The following TMCO1 variants were observed in gnomAD, a reference collection of about 807,000 sequenced individuals.
TMCO1 encodes calcium load-activated calcium channel.
TMCO1 carries 29 observed loss-of-function variants against 29.3 expected under a neutral mutation model. The observed-to-expected ratio is 0.99, with a 90% CI of 0.74 to 1.35. TMCO1 has a LOEUF of 1.35. Ranked by LOEUF, TMCO1 falls within the 40% of genes most tolerant of loss-of-function variation. The pLI is 0.00. For synonymous variants in TMCO1, 80 were observed against 77.1 expected (o/e 1.04, Z -0.20); for missense variants, 173 against 225.5 (o/e 0.77, Z 1.49).
intron 5 of TMCO1, among the ~76,000 whole-genome samples, chr1:165,745,039 C>A (rs889487140): frequency 2.0e-5 from 3 of 151,840 alleles, no homozygotes; most frequent in Non-Finnish European, 4.4e-5. Flanking sequence ...TTGTTTGCTT[C>A]ACACAGGGTC....
rs146073758 is a variant in TMCO1, at chr1:165,754,812, A to G, written c.209-538T>C. ...AGTTCAAGACCATCCTGGGCAACATAGCAAGACCCTGTCTCTGCAAAAAAT... is the reference window on the plus strand; with the variant it reads ...AGTTCAAGACCATCCTGGGCAACATGGCAAGACCCTGTCTCTGCAAAAAAT... On this transcript the variant is annotated intron_variant, in intron 3 of 6. Coordinates refer to ENST00000367881, the MANE Select transcript of TMCO1 (RefSeq NM_019026.6). 6.5e-3 allele frequency: 1,011 copies of G among 154,732 alleles called. 15 individuals carry two copies. The highest frequency in any genetic ancestry group is 0.022 in the African/African-American group (912 of 41,516). 9.6% of individuals were successfully genotyped at this position (154,732 alleles called of 1,614,324 possible). A position where few individuals can be genotyped will look rare whatever the true frequency, so the allele number is the denominator to read the frequency against.
At chr1:165,734,793 G>A (rs1032028838) in intron 6 of TMCO1, among the ~76,000 whole-genome samples, 6 of 152,224 alleles carry the variant, frequency 3.9e-5, no homozygotes, top group Admixed American at 3.9e-4. Context: ...GTGAGCCACC[G>A]CGCTCGGCCC....
At chr1:165,737,576 A>G (rs1651438708) in intron 6 of TMCO1, among the ~76,000 whole-genome samples, 1 of 152,234 alleles carries the variant, frequency 6.6e-6, no homozygotes, top group African/African-American at 2.4e-5. Flanking sequence ...CTGAGAACCA[A>G]TCTCAAAGAG....
intron 6 of TMCO1, among the ~76,000 whole-genome samples, chr1:165,732,388 CAAA>C (rs34558487): frequency 0.025 from 2,277 of 89,698 alleles, 58 homozygotes; most frequent in African/African-American, 0.076. Context: ...CATAAAGAAG[CAAA>C]AAAAAAAAAA....
intron 4 of TMCO1, among the ~76,000 whole-genome samples, chr1:165,753,347 C>T (rs911782094): frequency 2.0e-5 from 3 of 151,854 alleles, no homozygotes; most frequent in African/African-American, 7.3e-5. Context: ...GTGGCACACG[C>T]CTGTAATCCC....
chr1:165,730,995 G>A (rs957942238), intron 6 of TMCO1, among the ~76,000 whole-genome samples: 4 of 151,964 alleles, frequency 2.6e-5, no homozygotes, highest in African/African-American at 9.7e-5. Flanking sequence ...CGCCTCCCAG[G>A]TTCAAGCGAT....
intron 6 of TMCO1, among the ~76,000 whole-genome samples, chr1:165,729,489 G>C (rs7525496): frequency 0.05 from 7,605 of 151,576 alleles, 626 homozygotes; most frequent in African/African-American, 0.17. Flanking sequence ...GCTAATTTTT[G>C]TATTTTTTTT....
intron 3 of TMCO1, among the ~76,000 whole-genome samples, chr1:165,758,577 A>G (rs1205993596): frequency 6.6e-6 from 1 of 151,672 alleles, no homozygotes; most frequent in African/African-American, 2.4e-5. Flanking sequence ...AAAAACAAAA[A>G]CAGAAAAAAA....
chr1:165,766,980 G>A (rs987813183), intron 2 of TMCO1, among the ~76,000 whole-genome samples: 1 of 152,124 alleles, frequency 6.6e-6, no homozygotes, highest in Non-Finnish European at 1.5e-5. Flanking sequence ...CAGATATGCT[G>A]AGGTACATAA....
intron 6 of TMCO1, among the ~76,000 whole-genome samples, chr1:165,735,116 C>T (rs1054344251): frequency 2.0e-5 from 3 of 152,106 alleles, no homozygotes; most frequent in Non-Finnish European, 2.9e-5. Context: ...TTTTCTGCTG[C>T]GGTCAGGAGA....
At chr1:165,754,757 G>T in intron 3 of TMCO1, 1 of 162,378 alleles carries the variant, frequency 6.2e-6, no homozygotes, top group Non-Finnish European at 1.3e-5. Flanking sequence ...TCTTTGGGAG[G>T]CTGAGGTGAG....
At chr1:165,768,559 G>A (rs1412323071) in intron 1 of TMCO1, 123 bp downstream of exon 1, 1 of 1,575,186 alleles carries the variant, frequency 6.3e-7, no homozygotes, top group Non-Finnish European at 8.6e-7. Flanking sequence ...GAGATTCCCT[G>A]AAGTGGAGTA....
chr1:165,727,789 C>A lies in TMCO1; in HGVS notation c.*234G>T. ...TTTGTTTTTCATTACATAAACATTA[C>A]CTGAACTTAACTAATCAATCCACTT... On this transcript the variant is annotated 3_prime_UTR_variant, in exon 7 of 7. Coordinates refer to ENST00000367881, the MANE Select transcript of TMCO1 (RefSeq NM_019026.6). 1 of 483,456 alleles carries A rather than the reference C, an allele frequency of 2.1e-6. No individual in the cohort carries two copies. The highest frequency in any genetic ancestry group is 4.1e-6 in the Non-Finnish European group (1 of 246,396). 29.9% of individuals were successfully genotyped at this position (483,456 alleles called of 1,614,324 possible).
chr1:165,726,688 A>G (rs376858867), downstream of TMCO1: 130 of 454,122 alleles, frequency 2.9e-4, no homozygotes, highest in African/African-American at 2.3e-3. Context: ...TCATCCATAT[A>G]TTTTATTTCT....
chr1:165,727,996 A>G lies in TMCO1; in HGVS notation c.*27T>C, dbSNP rs1450871075. The G allele has an allele frequency of 2.6e-6, 4 of 1,546,418 alleles. No homozygotes were observed. The African/African-American group carries it at 5.5e-5, about 21-fold the overall frequency. On this transcript the variant is annotated 3_prime_UTR_variant, in exon 7 of 7. Coordinates refer to ENST00000367881, the MANE Select transcript of TMCO1 (RefSeq NM_019026.6). ...TCTGATGTGTGTGTGTCTAGAAAGA[A>G]TGATAGAAAATAAAGAGTTCTTGAG...
intron 6 of TMCO1, among the ~76,000 whole-genome samples, chr1:165,737,287 T>C (rs1651425630): frequency 6.6e-6 from 1 of 151,940 alleles, no homozygotes; most frequent in African/African-American, 2.4e-5. Flanking sequence ...TAGAGGAGTC[T>C]GTGAACTTGA....
At chr1:165,732,505 C>CTATA (rs66588679) in intron 6 of TMCO1, among the ~76,000 whole-genome samples, 100 of 133,822 alleles carry the variant, frequency 7.5e-4, no homozygotes, top group East Asian at 5.7e-3. Context: ...CTCTCTCTCT[C>CTATA]TATATATATA....
intron 6 of TMCO1, among the ~76,000 whole-genome samples, chr1:165,733,581 G>A (rs1651252848): frequency 2.6e-5 from 4 of 151,594 alleles, no homozygotes. Context: ...GGGTGACAGA[G>A]CAAGACTCCA....
intron 6 of TMCO1, among the ~76,000 whole-genome samples, chr1:165,738,166 A>G (rs1651459113): frequency 6.6e-6 from 1 of 152,096 alleles, no homozygotes; most frequent in South Asian, 2.1e-4. Flanking sequence ...GGTGGCATGC[A>G]CCTGTAATCC....
Sources: allele counts gnomAD v4.1 joint callset (sites outside exome capture counted in the v4.1 genomes callset), GRCh38; gene constraint gnomAD v4.1.1; transcripts MANE v1.5; gene names NCBI Gene and HGNC (gene_info 2026-07-23, HGNC 2026-07-21).